The following SOX5 variants were observed in gnomAD, a reference collection of about 807,000 sequenced individuals.
SOX5 encodes the protein SRY-box transcription factor 5.
A neutral mutation model predicts 92.0 loss-of-function variants in SOX5; 9 were observed. The observed-to-expected ratio is 0.10, with a 90% CI of 0.06 to 0.17. The LOEUF is 0.17. SOX5 is among the 10% of genes least tolerant of loss of function. The pLI is 1.00. For missense variants in SOX5, 642 were observed against 944.5 expected (o/e 0.68, Z 4.20); for synonymous variants, 344 against 336.3 (o/e 1.02, Z -0.25).
intron 1 of SOX5, among the ~76,000 whole-genome samples, chr12:23,931,252 A>C (rs1941334220): frequency 6.6e-6 from 1 of 151,776 alleles, no homozygotes; most frequent in African/African-American, 2.4e-5. Context: ...CTATTTATTT[A>C]GTGCTTACTA....
At chr12:24,109,458 C>T (rs970030122) in intron 4 of SOX5, among the ~76,000 whole-genome samples, 8 of 152,106 alleles carry the variant, frequency 5.3e-5, no homozygotes, top group Admixed American at 2.0e-4. Context: ...CTCATTAAGG[C>T]TTCCTAAAAA....
chr12:24,307,971 G>T (rs1281679185), intron 2 of SOX5, among the ~76,000 whole-genome samples: 3 of 151,970 alleles, frequency 2.0e-5, no homozygotes, highest in Admixed American at 2.0e-4. Context: ...TACACTGTCT[G>T]TCTAAAATAA....
At chr12:24,415,463 C>G (rs1429198370) in intron 1 of SOX5, among the ~76,000 whole-genome samples, 2 of 152,114 alleles carry the variant, frequency 1.3e-5, no homozygotes, top group Non-Finnish European at 2.9e-5. Flanking sequence ...TGATTAGAAG[C>G]AAAAACCCTG....
At chr12:24,330,575 A>G (rs1951192195) in intron 2 of SOX5, among the ~76,000 whole-genome samples, 1 of 152,240 alleles carries the variant, frequency 6.6e-6, no homozygotes, top group East Asian at 1.9e-4. Flanking sequence ...TATTAGCTTC[A>G]CTAGAGAGCC....
intron 3 of SOX5, among the ~76,000 whole-genome samples, chr12:23,796,895 TTA>T (rs1408557127): frequency 1.5e-5 from 2 of 130,626 alleles, no homozygotes; most frequent in Non-Finnish European, 3.2e-5. Flanking sequence ...ATATAAATAT[TTA>T]TATATATATT....
intron 1 of SOX5, among the ~76,000 whole-genome samples, chr12:24,442,288 C>T (rs1940745008): frequency 6.6e-6 from 1 of 152,134 alleles, no homozygotes; most frequent in Non-Finnish European, 1.5e-5. Flanking sequence ...ATCTTATTTG[C>T]ACTCATTTAT....
chr12:23,896,086 T>C (rs1164712389), intron 1 of SOX5, 62 bp from the exon 2 acceptor site: 11 of 1,203,758 alleles, frequency 9.1e-6, no homozygotes, highest in Middle Eastern at 2.6e-4. Flanking sequence ...ATGCCGTCAT[T>C]GTGTGGTTAG....
chr12:24,300,224 A>G (rs1947796291), intron 2 of SOX5, among the ~76,000 whole-genome samples: 1 of 152,206 alleles, frequency 6.6e-6, no homozygotes, highest in African/African-American at 2.4e-5. Context: ...AAATAGAAAA[A>G]CATGCCAGAA....
intron 3 of SOX5, among the ~76,000 whole-genome samples, chr12:24,271,004 T>C (rs1943663039): frequency 6.6e-6 from 1 of 152,234 alleles, no homozygotes; most frequent in South Asian, 2.1e-4. Context: ...GACACATATA[T>C]ACACATATTT....
chr12:24,114,828 C>T lies in SOX5; in HGVS notation c.-2+98515G>A, dbSNP rs561841107. Among the ~76,000 whole-genome samples, 4 of 151,852 alleles carry T rather than the reference C, an allele frequency of 2.6e-5. No homozygotes were observed. The East Asian group carries it at 5.8e-4, about 22-fold the overall frequency. On this transcript the variant is annotated intron_variant, in intron 4 of 4. Coordinates refer to the SOX5 transcript ENST00000446891. ...GTGCATGCCTATAGTCCTAGCTACT[C>T]GGGAGGCTGGGGTGCGGGGATCCCT...
At chr12:24,401,263 A>C (rs1324692610) in intron 1 of SOX5, among the ~76,000 whole-genome samples, 1 of 150,986 alleles carries the variant, frequency 6.6e-6, no homozygotes, top group African/African-American at 2.4e-5. Context: ...GAGGCAGGAG[A>C]ATTGCTTCAA....
At chr12:24,265,286 C>A (rs1176020054) in intron 3 of SOX5, among the ~76,000 whole-genome samples, 1 of 152,134 alleles carries the variant, frequency 6.6e-6, no homozygotes, top group Non-Finnish European at 1.5e-5. Context: ...GTGGCTCACG[C>A]CCGTAATCTT....
chr12:23,550,289 A>AAT (rs1186340870), intron 11 of SOX5, among the ~76,000 whole-genome samples: 1 of 151,886 alleles, frequency 6.6e-6, no homozygotes, highest in African/African-American at 2.4e-5. Flanking sequence ...TGGCATCAGG[A>AAT]ATATCATATT....
At chr12:24,060,885 A>G (rs1323307602) in intron 4 of SOX5, among the ~76,000 whole-genome samples, 1 of 152,222 alleles carries the variant, frequency 6.6e-6, no homozygotes, top group East Asian at 1.9e-4. Flanking sequence ...CGATGACAGC[A>G]ACTGAGCCCT....
chr12:23,934,378 T>G (rs984706696), intron 1 of SOX5, among the ~76,000 whole-genome samples: 1 of 150,408 alleles, frequency 6.6e-6, no homozygotes, highest in African/African-American at 2.4e-5. Context: ...CAAAAATCAA[T>G]TTTATATATT....
intron 2 of SOX5, among the ~76,000 whole-genome samples, chr12:24,298,753 C>A (rs1393598382): frequency 7.9e-6 from 1 of 127,054 alleles, no homozygotes; most frequent in East Asian, 2.6e-4. Context: ...AGGTGCAAAA[C>A]CATAATTCTA....
chr12:23,827,412 A>C (rs1397804502), intron 3 of SOX5, among the ~76,000 whole-genome samples: 4 of 152,248 alleles, frequency 2.6e-5, no homozygotes, highest in African/African-American at 9.6e-5. Context: ...ATAAAGTTCA[A>C]GAAAAGTTCC....
chr12:23,608,574 T>C (rs1348559413), intron 8 of SOX5, among the ~76,000 whole-genome samples: 2 of 152,206 alleles, frequency 1.3e-5, no homozygotes, highest in Non-Finnish European at 2.9e-5. Context: ...GATCATGCTT[T>C]CTACTTCTAG....
chr12:23,950,972 C>A, upstream of SOX5: 1 of 889,158 alleles, frequency 1.1e-6, no homozygotes, highest in Non-Finnish European at 1.7e-6. Flanking sequence ...TCTTCACACA[C>A]GCATGCACAC....
Sources: allele counts gnomAD v4.1 joint callset (sites outside exome capture counted in the v4.1 genomes callset), GRCh38; gene constraint gnomAD v4.1.1; transcripts MANE v1.5; gene names NCBI Gene and HGNC (gene_info 2026-07-23, HGNC 2026-07-21).